Variants in ROBO1 observed in about 807,000 individuals in gnomAD.
ROBO1 encodes roundabout guidance receptor 1.
ROBO1 carries 149 observed loss-of-function variants against 195.9 expected under a neutral mutation model. That is an observed-to-expected ratio of 0.76 (90% confidence interval 0.67 to 0.87). The LOEUF is 0.87. ROBO1 is among the 40% of genes least tolerant of loss of function. The pLI is 0.00. For missense variants in ROBO1, 1,933 were observed against 2,068.3 expected (o/e 0.93, Z 1.27); for synonymous variants, 816 against 733.2 (o/e 1.11, Z -1.82).
chr3:79,425,580 A>G (rs2038412334), intron 2 of ROBO1, among the ~76,000 whole-genome samples: 1 of 152,120 alleles, frequency 6.6e-6, no homozygotes, highest in African/African-American at 2.4e-5. Context: ...AGACACAAAA[A>G]ACCCAAGGCA....
intron 2 of ROBO1, among the ~76,000 whole-genome samples, chr3:79,285,276 C>A (rs1259970795): frequency 6.6e-6 from 1 of 152,106 alleles, no homozygotes; most frequent in Non-Finnish European, 1.5e-5. Flanking sequence ...CTATAGCCCC[C>A]ATGGAAGAAT....
chr3:79,702,594 G>A (rs761829391), intron 1 of ROBO1, among the ~76,000 whole-genome samples: 5 of 151,826 alleles, frequency 3.3e-5, no homozygotes, highest in Non-Finnish European at 4.4e-5. Context: ...ACCTTCACAC[G>A]AATCTAAGAG....
chr3:79,671,537 T>C (rs888610273), intron 1 of ROBO1, among the ~76,000 whole-genome samples: 2 of 151,884 alleles, frequency 1.3e-5, no homozygotes, highest in Non-Finnish European at 2.9e-5. Flanking sequence ...TTGTATTGAG[T>C]TGATGCATAA....
intron 4 of ROBO1, among the ~76,000 whole-genome samples, chr3:78,791,006 G>A (rs954477380): frequency 5.3e-5 from 8 of 152,142 alleles, no homozygotes; most frequent in African/African-American, 1.9e-4. Context: ...AAGGAAATAG[G>A]ATAACACAAA....
Position 78,814,228 on chromosome 3 carries a change from A to G in ROBO1, c.500-67328T>C, listed in dbSNP as rs556334231. On this transcript the variant is annotated intron_variant, in intron 4 of 30. Transcript: ENST00000464233. Reference sequence around the variant, plus strand: ...ATTATCTATGTCCACATTGCCCAATATTGATATAATGTGAGCCACATATGC... The same window carrying G: ...ATTATCTATGTCCACATTGCCCAATGTTGATATAATGTGAGCCACATATGC... Among the ~76,000 whole-genome samples the G allele has an allele frequency of 7.2e-4, 110 of 152,196 alleles. 1 individual carries two copies. The highest frequency in any genetic ancestry group is 1.1e-3 in the Admixed American group (17 of 15,272).
rs759988696 is a variant in ROBO1 at position 78,598,180 on chromosome 3, G to C, written c.*733C>G. 1 of 152,396 alleles carries C rather than the reference G, an allele frequency of 6.6e-6. No homozygotes were observed. 9.4% of individuals were successfully genotyped at this position (152,396 alleles called of 1,614,324 possible). A position where few individuals can be genotyped will look rare whatever the true frequency, so the allele number is the denominator to read the frequency against. ...TGAAAAATAGAACAAGGTTTTACTA[G>C]GTTTACTTATGACAATGACTAGACA... On this transcript the variant is annotated 3_prime_UTR_variant, in exon 31 of 31. Coordinates refer to ENST00000464233, the MANE Select transcript of ROBO1 (RefSeq NM_002941.4).
intron 1 of ROBO1, among the ~76,000 whole-genome samples, chr3:79,762,609 A>AACACAC (rs60977072): frequency 4.0e-4 from 59 of 146,706 alleles, no homozygotes; most frequent in African/African-American, 6.6e-4. Flanking sequence ...ATTCTGGACA[A>AACACAC]ACACACACAC....
chr3:79,420,201 A>G (rs970165757), intron 2 of ROBO1, among the ~76,000 whole-genome samples: 3 of 152,150 alleles, frequency 2.0e-5, no homozygotes, highest in Non-Finnish European at 4.4e-5. Flanking sequence ...CAAATACCTA[A>G]TTTTATCATT....
intron 3 of ROBO1, among the ~76,000 whole-genome samples, chr3:78,963,500 T>C (rs2041497771): frequency 1.7e-5 from 2 of 118,622 alleles, no homozygotes; most frequent in African/African-American, 6.5e-5. Context: ...TTCAGTTTTT[T>C]TTTTTTTTTT....
At chr3:78,979,971 C>T (rs1010144895) in intron 3 of ROBO1, among the ~76,000 whole-genome samples, 3 of 152,088 alleles carry the variant, frequency 2.0e-5, no homozygotes, top group Non-Finnish European at 4.4e-5. Flanking sequence ...TGTTCCCTGC[C>T]TCAGGGTATT....
At chr3:78,717,534 G>A in intron 6 of ROBO1, 121 bp from the exon 7 acceptor site, 2 of 958,622 alleles carry the variant, frequency 2.1e-6, no homozygotes, top group East Asian at 2.6e-5. Context: ...TTATTCCACA[G>A]AGTCCCCTCA....
intron 4 of ROBO1, among the ~76,000 whole-genome samples, chr3:78,843,230 A>C (rs1045599077): frequency 5.9e-5 from 9 of 152,092 alleles, no homozygotes; most frequent in Non-Finnish European, 1.3e-4. Flanking sequence ...ATATTAAACT[A>C]TGTGAATGTT....
At chr3:79,263,813 A>G (rs555010276) in intron 2 of ROBO1, among the ~76,000 whole-genome samples, 1 of 152,088 alleles carries the variant, frequency 6.6e-6, no homozygotes, top group South Asian at 2.1e-4. Context: ...AAACATTACA[A>G]ATAGTTTACT....
At chr3:79,239,148 G>T (rs1435479472) in intron 2 of ROBO1, among the ~76,000 whole-genome samples, 1 of 152,132 alleles carries the variant, frequency 6.6e-6, no homozygotes, top group Non-Finnish European at 1.5e-5. Context: ...AGAATAGGAA[G>T]TATTGGTGGC....
chr3:79,136,104 A>T (rs940728146), intron 2 of ROBO1, among the ~76,000 whole-genome samples: 15 of 152,058 alleles, frequency 9.9e-5, no homozygotes, highest in African/African-American at 3.4e-4. Context: ...TAGTACAAAG[A>T]CTCATATTTG....
intron 2 of ROBO1, among the ~76,000 whole-genome samples, chr3:79,128,250 G>C (rs543729305): frequency 2.1e-4 from 32 of 152,220 alleles, no homozygotes; most frequent in African/African-American, 6.7e-4. Context: ...ATTGAAACAG[G>C]TTCAGCTGCA....
chr3:79,443,682 G>A (rs775497381), intron 2 of ROBO1, among the ~76,000 whole-genome samples: 9 of 151,956 alleles, frequency 5.9e-5, no homozygotes, highest in Admixed American at 5.2e-4. Context: ...CTTGACAACC[G>A]TATTCTAAAA....
intron 4 of ROBO1, among the ~76,000 whole-genome samples, chr3:78,918,236 A>T (rs925113140): frequency 6.6e-6 from 1 of 152,162 alleles, no homozygotes; most frequent in African/African-American, 2.4e-5. Context: ...AAATAGGTTA[A>T]ATTGTGTTGA....
intron 5 of ROBO1, among the ~76,000 whole-genome samples, chr3:78,731,855 C>A (rs1315413959): frequency 1.3e-5 from 2 of 152,036 alleles, no homozygotes; most frequent in Admixed American, 6.6e-5. Context: ...GTTCTTCCTG[C>A]AGTACACGAA....
Sources: allele counts gnomAD v4.1 joint callset (sites outside exome capture counted in the v4.1 genomes callset), GRCh38; gene constraint gnomAD v4.1.1; transcripts MANE v1.5; gene names NCBI Gene and HGNC (gene_info 2026-07-23, HGNC 2026-07-21).